The following SUPT3H variants were observed in gnomAD, a reference collection of about 807,000 sequenced individuals.
The protein encoded by SUPT3H is transcription initiation protein SPT3 homolog.
In SUPT3H, 44 loss-of-function variants were observed where a neutral mutation model predicts 44.3. The ratio of observed to expected loss-of-function variants is 0.99; its 90% CI spans 0.78 to 1.28. The LOEUF is 1.28. Among genes scored for constraint, SUPT3H ranks in the 50% most tolerant of loss-of-function variants. The pLI, the probability that SUPT3H is intolerant of heterozygous loss-of-function variation, is 0.00. For missense variants in SUPT3H, 380 were observed against 387.1 expected (o/e 0.98, Z 0.15); for synonymous variants, 124 against 125.6 (o/e 0.99, Z 0.09).
In SUPT3H at chr6:45,050,954, G is replaced by T. The variant is rs1026085007; in HGVS notation, c.187-30322C>A. ...GGCTGGAGTGCAGTGGCATGATCTCGACTCACTGCAAGCTCCGCCTCCCAG... is the reference window on the plus strand; with the variant it reads ...GGCTGGAGTGCAGTGGCATGATCTCTACTCACTGCAAGCTCCGCCTCCCAG... On this transcript the variant is annotated intron_variant, in intron 3 of 10. Coordinates refer to ENST00000371459, the MANE Select transcript of SUPT3H (RefSeq NM_003599.4). 9.5e-5 allele frequency among the ~76,000 whole-genome samples: 13 copies of T among 137,104 alleles called. No individual in the cohort carries two copies. In the Admixed American group the frequency reaches 1.0e-3, roughly 11 times the overall value. 89.9% of individuals were successfully genotyped at this position (137,104 alleles called of 152,430 possible).
intron 3 of SUPT3H, among the ~76,000 whole-genome samples, chr6:45,071,468 G>A (rs560198979): frequency 3.3e-5 from 5 of 152,152 alleles, no homozygotes; most frequent in Admixed American, 6.5e-5. Flanking sequence ...TGGAGTCAAG[G>A]AGAAAGAGTC....
intron 10 of SUPT3H, among the ~76,000 whole-genome samples, chr6:44,887,350 T>C (rs1004668658): frequency 7.9e-5 from 12 of 152,072 alleles, no homozygotes; most frequent in Admixed American, 2.6e-4. Flanking sequence ...TACTCCAAAA[T>C]TGACCACACG....
At chr6:44,887,571 A>G (rs370159194) in intron 10 of SUPT3H, among the ~76,000 whole-genome samples, 284 of 152,126 alleles carry the variant, frequency 1.9e-3, no homozygotes, top group African/African-American at 6.6e-3. Flanking sequence ...TGAAACCAAC[A>G]AGAACAAAGA....
intron 11 of SUPT3H, among the ~76,000 whole-genome samples, chr6:44,815,903 C>G (rs1456786330): frequency 6.6e-6 from 1 of 151,918 alleles, no homozygotes; most frequent in East Asian, 1.9e-4. Context: ...TATCAACCAA[C>G]TTGACCTAAT....
chr6:45,172,609 T>C (rs1811006715), intron 2 of SUPT3H, among the ~76,000 whole-genome samples: 2 of 105,328 alleles, frequency 1.9e-5, no homozygotes, highest in Admixed American at 1.8e-4. Context: ...TTTTTTTTTT[T>C]TGAAATGGAG....
chr6:45,285,914 A>C (rs7759733), intron 2 of SUPT3H, among the ~76,000 whole-genome samples: 148,488 of 151,578 alleles, frequency 0.98, 72,744 homozygotes, highest in Middle Eastern at 1. Flanking sequence ...ACCAATGGAA[A>C]AGAACAGAGC....
intron 2 of SUPT3H, among the ~76,000 whole-genome samples, chr6:45,177,183 A>T (rs1193710623): frequency 3.9e-5 from 6 of 152,182 alleles, no homozygotes; most frequent in African/African-American, 1.2e-4. Flanking sequence ...AAAATTTAGA[A>T]GAATGTATAA....
At chr6:45,296,738 C>CAAAAAAAAAAAAAAAAAA (rs60921436) in intron 2 of SUPT3H, among the ~76,000 whole-genome samples, 5 of 29,702 alleles carry the variant, frequency 1.7e-4, no homozygotes, top group Non-Finnish European at 3.4e-4. Flanking sequence ...GACTCTGTCT[C>CAAAAAAAAAAAAAAAAAA]AAAAAAAAAA....
intron 2 of SUPT3H, among the ~76,000 whole-genome samples, chr6:45,358,210 G>A (rs1434464533): frequency 1.3e-5 from 2 of 152,098 alleles, no homozygotes; most frequent in African/African-American, 4.8e-5. Flanking sequence ...CAGAAAAGAA[G>A]CATTCTATAA....
At chr6:44,844,899 T>C (rs1431592710) in intron 10 of SUPT3H, among the ~76,000 whole-genome samples, 1 of 152,154 alleles carries the variant, frequency 6.6e-6, no homozygotes, top group Non-Finnish European at 1.5e-5. Flanking sequence ...GTATGCAAAT[T>C]ATAACTCAGT....
Position 45,020,723 on chromosome 6 carries a change from G to C in SUPT3H, c.187-91C>G. 6 of 830,732 alleles carry C rather than the reference G, an allele frequency of 7.2e-6. No homozygotes were observed. The East Asian group carries it at 1.7e-4, about 23-fold the overall frequency. The allele number at this position is 830,732 out of a possible 1,614,324, so 51.5% of individuals were successfully genotyped here. A position where few individuals can be genotyped will look rare whatever the true frequency, so the allele number is the denominator to read the frequency against. On this transcript the variant is annotated intron_variant, in intron 3 of 10. Coordinates refer to ENST00000371459, the MANE Select transcript of SUPT3H (RefSeq NM_003599.4). ...GTCTCTAAAGAGATAAATATACTAA[G>C]AGTTAAAAACCTTTGGGAAATAATC... is the stretch of plus-strand genomic sequence containing the variant.
chr6:44,970,990 G>C (rs183709617), intron 6 of SUPT3H, among the ~76,000 whole-genome samples: 2 of 152,216 alleles, frequency 1.3e-5, no homozygotes, highest in East Asian at 3.9e-4. Context: ...CTTGTGAAAA[G>C]GGAAGCCTGT....
intron 2 of SUPT3H, among the ~76,000 whole-genome samples, chr6:45,128,557 T>TATATATATATATATACAC (rs1280920129): frequency 1.8e-5 from 1 of 56,734 alleles, no homozygotes. Context: ...TATATATATA[T>TATATATATATATATACAC]ACACACACAC....
At chr6:44,970,337 A>G (rs528301324) in intron 6 of SUPT3H, among the ~76,000 whole-genome samples, 273 of 152,334 alleles carry the variant, frequency 1.8e-3, no homozygotes, top group African/African-American at 6.4e-3. Context: ...TAAGAAAAGT[A>G]TCATTTTAAA....
chr6:45,080,902 GC>G, intron 3 of SUPT3H, among the ~76,000 whole-genome samples: 1 of 152,054 alleles, frequency 6.6e-6, no homozygotes, highest in South Asian at 2.1e-4. Flanking sequence ...TTTAACTATA[GC>G]TGTAAAAATA....
At chr6:45,304,458 G>A (rs955954481) in intron 2 of SUPT3H, among the ~76,000 whole-genome samples, 3 of 151,990 alleles carry the variant, frequency 2.0e-5, no homozygotes, top group South Asian at 2.1e-4. Flanking sequence ...CTATTTTATC[G>A]TTATGTTTGG....
At chr6:45,260,422 A>C (rs1333565070) in intron 2 of SUPT3H, among the ~76,000 whole-genome samples, 3 of 278 alleles carry the variant, frequency 0.011, no homozygotes, top group African/African-American at 0.091. Flanking sequence ...TATTCCTATC[A>C]AAAAAAATCA....
At chr6:45,109,594 ATTATT>A (rs1373123795) in intron 2 of SUPT3H, among the ~76,000 whole-genome samples, 1 of 152,174 alleles carries the variant, frequency 6.6e-6, no homozygotes, top group Non-Finnish European at 1.5e-5. Context: ...TGATGAGTAT[ATTATT>A]TTAATTTTCA....
At chr6:45,144,807 T>A (rs1336471744) in intron 2 of SUPT3H, among the ~76,000 whole-genome samples, 1 of 152,042 alleles carries the variant, frequency 6.6e-6, no homozygotes, top group Non-Finnish European at 1.5e-5. Context: ...ATTCATTTGA[T>A]AAATGAATTC....
Sources: allele counts gnomAD v4.1 joint callset (sites outside exome capture counted in the v4.1 genomes callset), GRCh38; gene constraint gnomAD v4.1.1; transcripts MANE v1.5; gene names NCBI Gene and HGNC (gene_info 2026-07-23, HGNC 2026-07-21).